Variants in TSPEAR observed in about 807,000 individuals in gnomAD.
TSPEAR encodes thrombospondin-type laminin G domain and EAR repeat-containing protein.
Under a neutral mutation model 71.6 loss-of-function variants are expected in TSPEAR, and 69 were observed. The observed-to-expected ratio is 0.96, with a 90% CI of 0.79 to 1.18. The LOEUF is 1.18. Ranked by LOEUF, TSPEAR falls within the 50% of genes most tolerant of loss-of-function variation. The pLI, the probability that TSPEAR is intolerant of heterozygous loss-of-function variation, is 0.00. For missense variants in TSPEAR, 971 were observed against 894.9 expected, an observed-to-expected ratio of 1.09 and a Z score of -1.09; for synonymous variants, 402 against 387.2, an observed-to-expected ratio of 1.04 and a Z score of -0.45.
chr21:44,574,900 G>A (rs782597509), intron 1 of TSPEAR: 2 of 1,612,594 alleles, frequency 1.2e-6, no homozygotes, highest in Non-Finnish European at 1.7e-6. Context: ...CCTTCCTGCT[G>A]TGCTCCCACC....
At chr21:44,548,614 G>A (rs1292494309) in intron 2 of TSPEAR, among the ~76,000 whole-genome samples, 1 of 152,204 alleles carries the variant, frequency 6.6e-6, no homozygotes, top group South Asian at 2.1e-4. Flanking sequence ...AAATCCGAGA[G>A]TAGACTCCTA....
intron 1 of TSPEAR, among the ~76,000 whole-genome samples, chr21:44,636,615 C>T (rs1983584531): frequency 6.6e-6 from 1 of 152,158 alleles, no homozygotes; most frequent in Non-Finnish European, 1.5e-5. Flanking sequence ...CCATCTGACA[C>T]TTTTCTCATC....
chr21:44,569,351 G>A (rs1379061764), intron 1 of TSPEAR, among the ~76,000 whole-genome samples: 2 of 152,106 alleles, frequency 1.3e-5, no homozygotes, highest in African/African-American at 4.8e-5. Context: ...GGTGTAACGG[G>A]CACTTACAAA....
intron 7 of TSPEAR, 67 bp from the exon 8 acceptor site, chr21:44,525,906 G>T: frequency 1.3e-6 from 2 of 1,517,826 alleles, no homozygotes; most frequent in Non-Finnish European, 1.8e-6. Flanking sequence ...GGTTTCTGAA[G>T]GCTTCTGAAC....
chr21:44,705,290 C>G (rs1987856482), intron 1 of TSPEAR, among the ~76,000 whole-genome samples: 1 of 152,132 alleles, frequency 6.6e-6, no homozygotes, highest in Non-Finnish European at 1.5e-5. Context: ...GTATATCATT[C>G]CAGGACCCTG....
At chr21:44,663,332 T>C (rs905559196) in intron 1 of TSPEAR, among the ~76,000 whole-genome samples, 2 of 152,232 alleles carry the variant, frequency 1.3e-5, no homozygotes, top group South Asian at 2.1e-4. Flanking sequence ...TGTAAACAAC[T>C]TCATACCATT....
At chr21:44,602,748 T>A (rs1303740389) in intron 1 of TSPEAR, among the ~76,000 whole-genome samples, 1 of 152,186 alleles carries the variant, frequency 6.6e-6, no homozygotes, top group Admixed American at 6.5e-5. Flanking sequence ...GCGTCCCAGC[T>A]GCTTGCAGAG....
At chr21:44,676,684 T>C in intron 1 of TSPEAR, 2 of 771,476 alleles carry the variant, frequency 2.6e-6, no homozygotes, top group East Asian at 2.4e-5. Flanking sequence ...GGCAGCTGCC[T>C]GTCAGTGAAG....
chr21:44,682,652 G>A (rs1243779862), intron 1 of TSPEAR, among the ~76,000 whole-genome samples: 2 of 152,204 alleles, frequency 1.3e-5, no homozygotes, highest in Admixed American at 1.3e-4. Context: ...TCAGGCAGCC[G>A]TCAACCAGCA....
At chr21:44,524,116 CAGAT>C (rs1184201215) in intron 8 of TSPEAR, among the ~76,000 whole-genome samples, 3 of 148,818 alleles carry the variant, frequency 2.0e-5, no homozygotes, top group East Asian at 2.0e-4. Flanking sequence ...GGTAGTCAGT[CAGAT>C]AGTCAGTCAG....
chr21:44,645,606 C>T (rs371372119), intron 1 of TSPEAR, among the ~76,000 whole-genome samples: 3 of 151,990 alleles, frequency 2.0e-5, no homozygotes, highest in Non-Finnish European at 4.4e-5. Flanking sequence ...CCCACCTCAG[C>T]CCCCCAAAGT....
intron 1 of TSPEAR, chr21:44,682,160 AG>A (rs782024020): frequency 6.2e-7 from 1 of 1,603,320 alleles, no homozygotes; most frequent in South Asian, 1.1e-5. Flanking sequence ...GGCAGAGGGC[AG>A]TGATGTCTGG....
intron 1 of TSPEAR, chr21:44,580,723 G>C: frequency 1.2e-6 from 1 of 822,000 alleles, no homozygotes; most frequent in Non-Finnish European, 1.9e-6. Context: ...GTCCCGACAG[G>C]AGGCTCCACA....
rs587704125 is a variant in TSPEAR, at chr21:44,645,104, G to A, written c.82+66329C>T. On this transcript the variant is annotated intron_variant, in intron 1 of 11. Coordinates refer to ENST00000323084, the MANE Select transcript of TSPEAR (RefSeq NM_144991.3). Reference sequence around the variant, plus strand: ...TCATTATAAATGTGAGGATAAAGTTGACATATTTTCAGACAAGCAAGGAAT... The same window carrying A: ...TCATTATAAATGTGAGGATAAAGTTAACATATTTTCAGACAAGCAAGGAAT... 3.3e-5 allele frequency among the ~76,000 whole-genome samples: 5 copies of A among 152,276 alleles called. 1 individual carries two copies. The highest frequency in any genetic ancestry group is 1.2e-4 in the African/African-American group (5 of 41,560).
intron 2 of TSPEAR, chr21:44,540,289 G>A: frequency 2.2e-6 from 3 of 1,390,366 alleles, no homozygotes; most frequent in Non-Finnish European, 2.9e-6. Context: ...TGGCCTTGTT[G>A]TTCCAGGGCC....
chr21:44,688,285 A>C (rs782462118), intron 1 of TSPEAR, among the ~76,000 whole-genome samples: 4 of 121,322 alleles, frequency 3.3e-5, no homozygotes, highest in Admixed American at 8.8e-5. Context: ...CAGGACAGTC[A>C]TGAGGAAGCC....
Position 44,527,954 on chromosome 21 carries a change from C to A in TSPEAR, c.923-436G>T, listed in dbSNP as rs587755133. On this transcript the variant is annotated intron_variant, in intron 6 of 11. Transcript: ENST00000323084. ...CTGAGAAGGCTCTCTGTAAAAATAA[C>A]CTTTCAGGCTCGTCATCTCCTTGGA... Among the ~76,000 whole-genome samples the A allele has an allele frequency of 2.6e-5, 4 of 152,272 alleles. No homozygotes were observed. The South Asian group carries it at 8.3e-4, about 32-fold the overall frequency.
intron 2 of TSPEAR, among the ~76,000 whole-genome samples, chr21:44,545,895 A>G (rs1217131662): frequency 6.6e-6 from 1 of 152,224 alleles, no homozygotes; most frequent in Non-Finnish European, 1.5e-5. Flanking sequence ...CAGAAGGTAG[A>G]AAATAAAGAC....
chr21:44,585,661 T>C (rs1056957674), intron 1 of TSPEAR, among the ~76,000 whole-genome samples: 1 of 152,192 alleles, frequency 6.6e-6, no homozygotes, highest in Non-Finnish European at 1.5e-5. Flanking sequence ...AGGACTGCCA[T>C]TGAATTCCAT....
Sources: gnomAD v4.1 joint callset for allele counts (sites outside exome capture counted in the v4.1 genomes callset) on GRCh38, gnomAD v4.1.1 for gene constraint, MANE v1.5 for transcripts, NCBI Gene and HGNC (gene_info 2026-07-23, HGNC 2026-07-21) for gene names.